GALNT2: variants seen among roughly 807,000 people sequenced by gnomAD.
The protein encoded by GALNT2 is polypeptide N-acetylgalactosaminyltransferase 2, also known as UDP-GalNAc:polypeptide N-acetylgalactosaminyltransferase 2.
Under a neutral mutation model 81.4 loss-of-function variants are expected in GALNT2, and 31 were observed. The ratio of observed to expected loss-of-function variants is 0.38; its 90% CI spans 0.29 to 0.51. The LOEUF is 0.51. GALNT2 is among the 20% of genes least tolerant of loss of function. The pLI, the probability that GALNT2 is intolerant of heterozygous loss-of-function variation, is 0.87. For synonymous variants in GALNT2, 303 were observed against 287.4 expected, an observed-to-expected ratio of 1.05 and a Z score of -0.55; for missense variants, 629 against 765.7, an observed-to-expected ratio of 0.82 and a Z score of 2.11.
upstream of GALNT2, among the ~76,000 whole-genome samples, chr1:230,066,999 C>T (rs889189072): frequency 2.0e-5 from 3 of 148,810 alleles, no homozygotes; most frequent in Non-Finnish European, 4.5e-5. Flanking sequence ...CGCGCCCCGG[C>T]CCCCGCAGCC....
intron 3 of GALNT2, among the ~76,000 whole-genome samples, chr1:230,230,862 C>CCTCT (rs1212858514): frequency 6.6e-6 from 1 of 152,048 alleles, no homozygotes; most frequent in African/African-American, 2.4e-5. Context: ...TTCCCATGAC[C>CCTCT]CTCTGTTTGG....
At chr1:230,085,028 G>T (rs1004396962) in intron 1 of GALNT2, among the ~76,000 whole-genome samples, 16 of 152,156 alleles carry the variant, frequency 1.1e-4, no homozygotes, top group African/African-American at 3.9e-4. Context: ...TTTCATCTCC[G>T]AGAAGTGGAG....
Position 230,275,134 on chromosome 1 carries a change from CACATAT to C in GALNT2, c.1560+578_1560+583del, listed in dbSNP as rs1417082406. ...CATATATATACATATATATACACAC[CACATAT>C]ACATATATACACACCACATATACAT... On this transcript the variant is annotated intron_variant, in intron 15 of 15. Coordinates refer to ENST00000366672, the MANE Select transcript of GALNT2 (RefSeq NM_004481.5). This position sits in a 1 kb window ranked among gnomAD's most constrained non-coding sequence, Gnocchi z 5.5. Among the ~76,000 whole-genome samples, 4 of 150,392 alleles carry C rather than the reference CACATAT, an allele frequency of 2.7e-5. No homozygotes were observed. Among genetic ancestry groups the C allele is most frequent in the African/African-American group, 7.4e-5 (3 of 40,712 alleles).
chr1:230,097,265 C>G (rs763675142), intron 1 of GALNT2, among the ~76,000 whole-genome samples: 3 of 152,052 alleles, frequency 2.0e-5, no homozygotes, highest in Non-Finnish European at 4.4e-5. Flanking sequence ...TTTAATTTAT[C>G]AACTTAACCA....
At chr1:230,184,350 C>T (rs1663252941) in intron 2 of GALNT2, among the ~76,000 whole-genome samples, 1 of 151,924 alleles carries the variant, frequency 6.6e-6, no homozygotes. Flanking sequence ...CCACACCCAG[C>T]TAATTTTTTT....
At chr1:230,203,731 A>G (rs1035187100) in intron 3 of GALNT2, among the ~76,000 whole-genome samples, 5 of 152,218 alleles carry the variant, frequency 3.3e-5, no homozygotes, top group African/African-American at 9.6e-5. Flanking sequence ...GAAATGAACT[A>G]CCCAGCACAA....
At chr1:230,182,107 G>A (rs1292572709) in intron 2 of GALNT2, among the ~76,000 whole-genome samples, 2 of 151,696 alleles carry the variant, frequency 1.3e-5, no homozygotes, top group African/African-American at 4.8e-5. Flanking sequence ...TCTGATATTG[G>A]TAAAATGTGC....
intron 3 of GALNT2, among the ~76,000 whole-genome samples, chr1:230,210,599 A>G (rs1278595188): frequency 6.6e-6 from 1 of 152,208 alleles, no homozygotes; most frequent in African/African-American, 2.4e-5. Context: ...TCTTTAAGTC[A>G]AGAATATGTT....
At chr1:230,093,216 C>T (rs1016140238) in intron 1 of GALNT2, among the ~76,000 whole-genome samples, 1 of 152,136 alleles carries the variant, frequency 6.6e-6, no homozygotes, top group Admixed American at 6.5e-5. Context: ...TACAATGAAA[C>T]ATTTTCTTGA....
intron 3 of GALNT2, among the ~76,000 whole-genome samples, chr1:230,226,266 A>T (rs537325217): frequency 6.6e-6 from 1 of 152,190 alleles, no homozygotes; most frequent in East Asian, 1.9e-4. Flanking sequence ...TGGCGTAAGC[A>T]TTTTCTGTGG....
chr1:230,280,363 G>A lies in GALNT2; in HGVS notation c.*905G>A, dbSNP rs892872304. 4 of 222,516 alleles carry A rather than the reference G, an allele frequency of 1.8e-5. No individual in the cohort carries two copies. The highest frequency in any genetic ancestry group is 8.9e-5 in the African/African-American group (4 of 44,894). The allele number at this position is 222,516 out of a possible 1,614,324, so 13.8% of individuals were successfully genotyped here. Reference sequence around the variant, plus strand: ...CGTCAGAATCCACCTTGCGTGCTGTGCGTATCTGTGAACCTGGAGCGGTTA... The same window carrying A: ...CGTCAGAATCCACCTTGCGTGCTGTACGTATCTGTGAACCTGGAGCGGTTA... On this transcript the variant is annotated 3_prime_UTR_variant, in exon 16 of 16. Coordinates refer to ENST00000366672, the MANE Select transcript of GALNT2 (RefSeq NM_004481.5).
intron 1 of GALNT2, among the ~76,000 whole-genome samples, chr1:230,156,854 G>C (rs1024695523): frequency 1.3e-5 from 2 of 152,232 alleles, no homozygotes; most frequent in Non-Finnish European, 2.9e-5. Context: ...CCTCTGGCCT[G>C]AGGAAGCTAG....
intron 10 of GALNT2, among the ~76,000 whole-genome samples, chr1:230,251,343 G>A (rs960713583): frequency 6.6e-6 from 1 of 152,038 alleles, no homozygotes; most frequent in Admixed American, 6.6e-5. Flanking sequence ...GAAGGAAAGG[G>A]GAAAATGAGG....
At position 230,279,562 on chromosome 1, in the gene GALNT2, C is replaced by T. The variant is rs2102787186; in HGVS notation, c.*104C>T. 4.5e-6 allele frequency: 6 copies of T among 1,337,784 alleles called. No individual in the cohort carries two copies. Among genetic ancestry groups the T allele is most frequent in the East Asian group, 2.4e-5 (1 of 41,160 alleles). 82.9% of individuals were successfully genotyped at this position (1,337,784 alleles called of 1,614,324 possible). A position where few individuals can be genotyped will look rare whatever the true frequency, so the allele number is the denominator to read the frequency against. Reference sequence around the variant, plus strand: ...TTAAACTTTCCGCGAAACTAATATACCTCAGTATTCCATCATGGTCTGAAA... The same window carrying T: ...TTAAACTTTCCGCGAAACTAATATATCTCAGTATTCCATCATGGTCTGAAA... On this transcript the variant is annotated 3_prime_UTR_variant, in exon 16 of 16. Transcript: ENST00000366672. This position sits in a 1 kb window ranked among gnomAD's most constrained non-coding sequence, Gnocchi z 4.6.
chr1:230,087,525 GA>G (rs1398317634), intron 1 of GALNT2, among the ~76,000 whole-genome samples: 2 of 152,158 alleles, frequency 1.3e-5, no homozygotes, highest in Non-Finnish European at 2.9e-5. Context: ...TGTACGTTAG[GA>G]ACACCTGGGG....
intron 1 of GALNT2, among the ~76,000 whole-genome samples, chr1:230,162,169 G>T (rs1662456229): frequency 6.6e-6 from 1 of 152,184 alleles, no homozygotes; most frequent in Non-Finnish European, 1.5e-5. Context: ...GATCTTTGCA[G>T]ATTTTCACAA....
chr1:230,241,431 GT>G (rs112612933), intron 6 of GALNT2, among the ~76,000 whole-genome samples: 16,133 of 145,260 alleles, frequency 0.11, 874 homozygotes, highest in Middle Eastern at 0.16. Flanking sequence ...GATGAGTATG[GT>G]TTTTTTTTTT....
upstream of GALNT2, among the ~76,000 whole-genome samples, chr1:230,066,683 C>T (rs1268384929): frequency 1.3e-5 from 2 of 152,324 alleles, no homozygotes; most frequent in East Asian, 3.9e-4. Flanking sequence ...AGAGCAAGCC[C>T]GTTAAGGGTC....
chr1:230,185,645 C>G (rs1410973478), intron 2 of GALNT2, among the ~76,000 whole-genome samples: 1 of 152,164 alleles, frequency 6.6e-6, no homozygotes, highest in African/African-American at 2.4e-5. Flanking sequence ...AATAGTTTCT[C>G]CCGATGGCAG....
Sources: gnomAD v4.1 joint callset for allele counts (sites outside exome capture counted in the v4.1 genomes callset) on GRCh38, gnomAD v4.1.1 for gene constraint, Gnocchi (gnomAD v3.1) non-coding constraint, MANE v1.5 for transcripts, NCBI Gene and HGNC (gene_info 2026-07-23, HGNC 2026-07-21) for gene names.